The following PRRX1 variants were observed in gnomAD, a reference collection of about 807,000 sequenced individuals.
PRRX1 encodes paired related homeobox 1.
In PRRX1, 8 loss-of-function variants were observed where a neutral mutation model predicts 24.0. The ratio of observed to expected loss-of-function variants is 0.33; its 90% CI spans 0.20 to 0.60. The LOEUF is 0.60. Among genes scored for constraint, PRRX1 ranks in the 20% least tolerant of loss-of-function variants. The pLI, the probability that PRRX1 is intolerant of heterozygous loss-of-function variation, is 0.82. For missense variants in PRRX1, 281 were observed against 322.4 expected (o/e 0.87, Z 0.98); for synonymous variants, 160 against 131.7 (o/e 1.22, Z -1.47).
chr1:170,688,597 C>G (rs1362129811), intron 1 of PRRX1, among the ~76,000 whole-genome samples: 3 of 151,948 alleles, frequency 2.0e-5, no homozygotes, highest in Non-Finnish European at 4.4e-5. Context: ...TTTAAATAAA[C>G]CTCCTATAGT....
Position 170,726,375 on chromosome 1 carries a change from C to A in PRRX1, c.573C>A (p.Leu191=). The A allele has an allele frequency of 3.1e-6, 5 of 1,614,094 alleles. No homozygotes were observed. The highest frequency in any genetic ancestry group is 4.2e-6 in the Non-Finnish European group (5 of 1,179,964). ...PRPAPRPTDY[L]SWGTASPYSA... ...CTGCTCCGAGACCCACCGATTATCTCTCCTGGGGGACAGCGTCTCCGTACA... is the reference window on the plus strand; with the variant it reads ...CTGCTCCGAGACCCACCGATTATCTATCCTGGGGGACAGCGTCTCCGTACA... The change falls in exon 3 of 4, where the codon CTC becomes CTA. Residue 191 remains leucine (L), a synonymous_variant. Coordinates refer to ENST00000239461, the MANE Select transcript of PRRX1 (RefSeq NM_022716.4).
At chr1:170,730,462 C>T (rs1274146580) in intron 3 of PRRX1, 6 of 836,386 alleles carry the variant, frequency 7.2e-6, no homozygotes, top group Non-Finnish European at 1.2e-5. Flanking sequence ...GTGAAGTCCT[C>T]AAGTGAGGAA....
At chr1:170,707,652 A>C (rs1306834641) in intron 1 of PRRX1, among the ~76,000 whole-genome samples, 2 of 152,198 alleles carry the variant, frequency 1.3e-5, no homozygotes, top group African/African-American at 2.4e-5. Context: ...CTTCTGAGTA[A>C]ATTAACCACA....
intron 1 of PRRX1, among the ~76,000 whole-genome samples, chr1:170,674,013 C>A (rs1032085881): frequency 1.3e-5 from 2 of 152,204 alleles, no homozygotes; most frequent in Admixed American, 6.5e-5. Flanking sequence ...TTCCAAATGA[C>A]AAATGCTAGT....
At chr1:170,674,521 G>A (rs1653246668) in intron 1 of PRRX1, among the ~76,000 whole-genome samples, 1 of 151,968 alleles carries the variant, frequency 6.6e-6, no homozygotes, top group South Asian at 2.1e-4. Flanking sequence ...ACTTACTATG[G>A]GAAATAACAA....
At chr1:170,671,208 A>G (rs1400636983) in intron 1 of PRRX1, among the ~76,000 whole-genome samples, 2 of 152,210 alleles carry the variant, frequency 1.3e-5, no homozygotes, top group Non-Finnish European at 2.9e-5. Flanking sequence ...GAGAGAATAC[A>G]CGGAAACTCG....
At chr1:170,671,417 C>T (rs1177025844) in intron 1 of PRRX1, among the ~76,000 whole-genome samples, 2 of 152,242 alleles carry the variant, frequency 1.3e-5, no homozygotes, top group African/African-American at 4.8e-5. Context: ...CACCCCCACC[C>T]CATCTTCGCA....
intron 1 of PRRX1, among the ~76,000 whole-genome samples, chr1:170,710,139 C>T (rs543274402): frequency 6.6e-6 from 1 of 152,116 alleles, no homozygotes; most frequent in African/African-American, 2.4e-5. Flanking sequence ...CTGGTAATTA[C>T]ATTACAGCCC....
At chr1:170,670,741 G>A (rs1653116897) in intron 1 of PRRX1, among the ~76,000 whole-genome samples, 1 of 152,112 alleles carries the variant, frequency 6.6e-6, no homozygotes, top group Non-Finnish European at 1.5e-5. Flanking sequence ...GCGTAGGGGA[G>A]GGGAATTAAG....
At chr1:170,669,180 A>G (rs922573179) in intron 1 of PRRX1, 4 of 151,986 alleles carry the variant, frequency 2.6e-5, no homozygotes, top group Non-Finnish European at 4.4e-5. Context: ...AATGCAGTGA[A>G]TACCCACCCC....
At chr1:170,713,254 C>T (rs187346173) in intron 1 of PRRX1, among the ~76,000 whole-genome samples, 96 of 152,168 alleles carry the variant, frequency 6.3e-4, no homozygotes, top group African/African-American at 2.3e-3. Flanking sequence ...CATCATCACA[C>T]GGAAAATGCC....
At chr1:170,706,141 T>C (rs1463424522) in intron 1 of PRRX1, among the ~76,000 whole-genome samples, 1 of 152,226 alleles carries the variant, frequency 6.6e-6, no homozygotes, top group Non-Finnish European at 1.5e-5. Context: ...TAAGCATTCA[T>C]GCAATGTTGA....
At chr1:170,682,425 G>C (rs1489713976) in intron 1 of PRRX1, among the ~76,000 whole-genome samples, 1 of 151,350 alleles carries the variant, frequency 6.6e-6, no homozygotes, top group Admixed American at 6.7e-5. Flanking sequence ...TAAACACATA[G>C]AACAGTAGCT....
At chr1:170,703,057 T>C (rs1654443599) in intron 1 of PRRX1, among the ~76,000 whole-genome samples, 1 of 152,350 alleles carries the variant, frequency 6.6e-6, no homozygotes, top group South Asian at 2.1e-4. Context: ...ACATCTCTTA[T>C]GAAAATCATA....
chr1:170,736,139 G>C lies in PRRX1; in HGVS notation c.691G>C (p.Ala231Pro), dbSNP rs1571354325. The change falls in exon 4 of 4, where the codon GCC becomes CCC. Residue 231 changes from alanine (A) to proline (P), a missense_variant. Ala to Pro is a conservative substitution (Grantham distance 27). Transcript: ENST00000239461. ...CAGCATTGCCAACCTGAGACTGAAGGCCAAGGAATATAGTTTACAGAGGAA... is the reference window on the plus strand; with the variant it reads ...CAGCATTGCCAACCTGAGACTGAAGCCCAAGGAATATAGTTTACAGAGGAA... ...ANSIANLRLK[A>P]KEYSLQRNQV... The C allele has an allele frequency of 6.2e-7, 1 of 1,614,146 alleles. No individual in the cohort carries two copies. Among genetic ancestry groups the C allele is most frequent in the African/African-American group, 1.3e-5 (1 of 75,036 alleles).
chr1:170,712,061 C>T (rs1361815056), intron 1 of PRRX1, among the ~76,000 whole-genome samples: 1 of 152,164 alleles, frequency 6.6e-6, no homozygotes, highest in East Asian at 1.9e-4. Context: ...ATTGAATTTT[C>T]ATAACCTGTC....
At chr1:170,729,160 C>T (rs1248655118) in intron 3 of PRRX1, 1 of 152,180 alleles carries the variant, frequency 6.6e-6, no homozygotes, top group East Asian at 1.9e-4. Context: ...AGCCACACGA[C>T]TATATTTTCA....
intron 1 of PRRX1, among the ~76,000 whole-genome samples, chr1:170,689,781 C>G (rs1247812793): frequency 6.7e-6 from 1 of 148,842 alleles, no homozygotes. Context: ...GACCAAGCAT[C>G]TGTAGAGCCG....
At chr1:170,730,411 T>C in intron 3 of PRRX1, 1 of 1,418,194 alleles carries the variant, frequency 7.1e-7, no homozygotes, top group South Asian at 1.2e-5. Flanking sequence ...GAATTCAGAG[T>C]GTTTAAGAAA....
Sources: allele counts gnomAD v4.1 joint callset (sites outside exome capture counted in the v4.1 genomes callset), GRCh38; gene constraint gnomAD v4.1.1; transcripts MANE v1.5; gene names NCBI Gene and HGNC (gene_info 2026-07-23, HGNC 2026-07-21).